The following RAPGEF5 variants were observed in gnomAD, a reference collection of about 807,000 sequenced individuals.
RAPGEF5 encodes M-Ras-regulated GEF.
A neutral mutation model predicts 125.2 loss-of-function variants in RAPGEF5; 65 were observed. The ratio of observed to expected loss-of-function variants is 0.52; its 90% CI spans 0.43 to 0.64. RAPGEF5 has a LOEUF of 0.64. Ranked by LOEUF, RAPGEF5 falls within the 30% of genes least tolerant of loss-of-function variation. RAPGEF5 has a pLI of 0.00. For missense variants in RAPGEF5, 958 were observed against 1,048.1 expected (o/e 0.91, Z 1.19); for synonymous variants, 391 against 385.9 (o/e 1.01, Z -0.16).
chr7:22,169,909 C>T (rs890981401), intron 11 of RAPGEF5, among the ~76,000 whole-genome samples: 1 of 132,168 alleles, frequency 7.6e-6, no homozygotes, highest in South Asian at 2.6e-4. Flanking sequence ...ACTCAGGAGG[C>T]TGAGGTAGGA....
chr7:22,327,070 A>G (rs1783828313), intron 1 of RAPGEF5, among the ~76,000 whole-genome samples: 1 of 152,234 alleles, frequency 6.6e-6, no homozygotes, highest in African/African-American at 2.4e-5. Flanking sequence ...CTCCTTTTAA[A>G]TTGGGAATTT....
At chr7:22,346,514 G>A (rs1280323560) in intron 1 of RAPGEF5, among the ~76,000 whole-genome samples, 1 of 152,136 alleles carries the variant, frequency 6.6e-6, no homozygotes, top group African/African-American at 2.4e-5. Context: ...GAAGTGATAA[G>A]CTGTTCACTT....
intron 11 of RAPGEF5, among the ~76,000 whole-genome samples, chr7:22,168,954 T>A (rs941153544): frequency 6.6e-6 from 1 of 152,216 alleles, no homozygotes; most frequent in Non-Finnish European, 1.5e-5. Flanking sequence ...AAATAATAAA[T>A]TCGACAAATT....
chr7:22,173,855 A>G (rs1056840044), intron 11 of RAPGEF5, among the ~76,000 whole-genome samples: 5 of 152,166 alleles, frequency 3.3e-5, no homozygotes, highest in Admixed American at 6.5e-5. Flanking sequence ...TTACATCCCA[A>G]TCAGCTGCTC....
intron 13 of RAPGEF5, 129 bp from the exon 14 acceptor site, chr7:22,160,744 T>C: frequency 9.0e-7 from 1 of 1,114,394 alleles, no homozygotes; most frequent in Non-Finnish European, 1.2e-6. Flanking sequence ...TTTCACCAGG[T>C]GCCAATGAGA....
chr7:22,261,145 A>G (rs997352786), intron 7 of RAPGEF5, among the ~76,000 whole-genome samples: 1 of 152,232 alleles, frequency 6.6e-6, no homozygotes, highest in Non-Finnish European at 1.5e-5. Context: ...GCTATTCCAC[A>G]TTTAGTAATT....
chr7:22,135,104 T>C (rs779120522), intron 23 of RAPGEF5, among the ~76,000 whole-genome samples: 30 of 152,188 alleles, frequency 2.0e-4, no homozygotes, highest in Non-Finnish European at 3.7e-4. Flanking sequence ...GTGGTGGCAA[T>C]GGGAGGAAGT....
intron 6 of RAPGEF5, among the ~76,000 whole-genome samples, chr7:22,284,057 T>C (rs368415619): frequency 7.4e-6 from 1 of 134,676 alleles, no homozygotes; most frequent in African/African-American, 3.1e-5. Context: ...TAGTAATTAA[T>C]TTTAAAAAGC....
chr7:22,232,073 C>T (rs906079955), intron 7 of RAPGEF5, among the ~76,000 whole-genome samples: 5 of 152,098 alleles, frequency 3.3e-5, no homozygotes, highest in Admixed American at 3.3e-4. Context: ...AAACATGGAA[C>T]ACTGGAGCTA....
At chr7:22,219,825 C>T in intron 9 of RAPGEF5, 41 bp downstream of exon 9, 1 of 1,526,230 alleles carries the variant, frequency 6.6e-7, no homozygotes, top group Non-Finnish European at 8.8e-7. Flanking sequence ...AAACATTTTC[C>T]ACCCCTTCAA....
rs553635272 is a variant in RAPGEF5 at position 22,150,066 on chromosome 7, G to A, written c.1884+341C>T. ...ATAAAACCTATGCTTTATGTGGTAC[G>A]TGTGTTCCTTTTTTTTTTTTTTTTT... On this transcript the variant is annotated intron_variant, in intron 18 of 25. Coordinates refer to ENST00000665637, the MANE Select transcript of RAPGEF5 (RefSeq NM_012294.5). Among the ~76,000 whole-genome samples, 614 of 137,548 alleles carry A rather than the reference G, an allele frequency of 4.5e-3. 1 individual carries two copies. The highest frequency in any genetic ancestry group is 0.013 in the South Asian group (53 of 4,226). 90.2% of individuals were successfully genotyped at this position (137,548 alleles called of 152,430 possible).
At chr7:22,291,071 C>T in intron 6 of RAPGEF5, 104 bp downstream of exon 6, 3 of 1,305,664 alleles carry the variant, frequency 2.3e-6, no homozygotes, top group Non-Finnish European at 3.0e-6. Flanking sequence ...GATGAGCAGC[C>T]ACAGGGAAAA....
intron 17 of RAPGEF5, among the ~76,000 whole-genome samples, chr7:22,151,466 T>A (rs997572404): frequency 8.1e-5 from 12 of 148,362 alleles, no homozygotes; most frequent in Non-Finnish European, 1.8e-4. Context: ...TACTTTTTTT[T>A]TTTTTTTTTT....
At chr7:22,200,322 T>A (rs1183904845) in intron 9 of RAPGEF5, among the ~76,000 whole-genome samples, 1 of 152,196 alleles carries the variant, frequency 6.6e-6, no homozygotes, top group East Asian at 1.9e-4. Context: ...AGATGTTTTT[T>A]AAAAAGGTCA....
chr7:22,150,898 T>C (rs976005802), intron 17 of RAPGEF5, among the ~76,000 whole-genome samples: 5 of 152,242 alleles, frequency 3.3e-5, no homozygotes, highest in Non-Finnish European at 7.3e-5. Context: ...ACACAAATAA[T>C]TGCATTGATT....
intron 1 of RAPGEF5, among the ~76,000 whole-genome samples, chr7:22,349,014 C>T (rs1784279350): frequency 6.6e-6 from 1 of 151,534 alleles, no homozygotes; most frequent in Non-Finnish European, 1.5e-5. Flanking sequence ...TCGCTTGAAC[C>T]CAGAGGTGGA....
At chr7:22,318,090 CA>C (rs1219885672) in intron 1 of RAPGEF5, 53 bp from the exon 2 acceptor site, 61 of 1,433,200 alleles carry the variant, frequency 4.3e-5, no homozygotes, top group Non-Finnish European at 5.3e-5. Context: ...ACTTTTGTAC[CA>C]AAAAATGAAA....
rs999553127 is a variant in RAPGEF5 at position 22,356,866 on chromosome 7, G to A, written c.195C>T (p.Leu65=). The change falls in exon 1 of 26, where the codon CTC becomes CTT. Residue 65 remains leucine, a synonymous_variant. Transcript: ENST00000665637. ...CGGCGCTCCGCTTCCTCCGCAGCGT[G>A]AGCCCGCTCCGCAGCAGCGCGGGCA... is the stretch of plus-strand genomic sequence containing the variant. The part of the protein sequence containing the change: ...RDLPALLRSG[L]TLRRKRSAAG... 1.4e-4 allele frequency: 166 copies of A among 1,163,830 alleles called. No homozygotes were observed. The highest frequency in any genetic ancestry group is 7.4e-4 in the African/African-American group (46 of 61,892). The allele number at this position is 1,163,830 out of a possible 1,614,324, so 72.1% of individuals were successfully genotyped here.
chr7:22,183,401 A>G (rs568291399), intron 11 of RAPGEF5, among the ~76,000 whole-genome samples: 1 of 150,528 alleles, frequency 6.6e-6, no homozygotes, highest in East Asian at 2.0e-4. Context: ...AGAATATTTT[A>G]TTACTTGTAA....
Sources: allele counts gnomAD v4.1 joint callset (sites outside exome capture counted in the v4.1 genomes callset), GRCh38; gene constraint gnomAD v4.1.1; transcripts MANE v1.5; gene names NCBI Gene and HGNC (gene_info 2026-07-23, HGNC 2026-07-21).